The following KIF5C variants were observed in gnomAD, a reference collection of about 807,000 sequenced individuals.
KIF5C encodes the protein kinesin heavy chain isoform 5C.
Under a neutral mutation model 125.2 loss-of-function variants are expected in KIF5C, and 18 were observed. That is an observed-to-expected ratio of 0.14 (90% confidence interval 0.10 to 0.21). KIF5C has a LOEUF of 0.21. KIF5C is among the 10% of genes least tolerant of loss of function. The pLI is 1.00. For missense variants in KIF5C, 780 were observed against 1,183.8 expected (o/e 0.66, Z 5.01); for synonymous variants, 405 against 434.0 (o/e 0.93, Z 0.83).
At chr2:148,965,679 G>T (rs1683032526) in intron 11 of KIF5C, among the ~76,000 whole-genome samples, 1 of 152,114 alleles carries the variant, frequency 6.6e-6, no homozygotes, top group Admixed American at 6.5e-5. Flanking sequence ...ACATTCTGAG[G>T]CTGGGCATTT....
chr2:149,018,228 G>T (rs1262473669), intron 25 of KIF5C, among the ~76,000 whole-genome samples: 1 of 152,140 alleles, frequency 6.6e-6, no homozygotes, highest in Non-Finnish European at 1.5e-5. Flanking sequence ...GTTTGAGGCT[G>T]CAGTGAGCTG....
At chr2:148,887,836 C>G (rs1015522002) in intron 1 of KIF5C, among the ~76,000 whole-genome samples, 2 of 144,176 alleles carry the variant, frequency 1.4e-5, no homozygotes, top group East Asian at 4.9e-4. Flanking sequence ...GCTAGTAGTA[C>G]GCTTCGGTTA....
At chr2:148,885,109 C>T (rs1278099533) in intron 1 of KIF5C, among the ~76,000 whole-genome samples, 2 of 152,066 alleles carry the variant, frequency 1.3e-5, no homozygotes, top group African/African-American at 4.8e-5. Flanking sequence ...TCTCAGCCTC[C>T]CTAGTAGCTG....
At chr2:148,991,242 G>A (rs1553469740) in intron 16 of KIF5C, 44 bp downstream of exon 16, 2 of 1,591,908 alleles carry the variant, frequency 1.3e-6, no homozygotes, top group East Asian at 4.5e-5. Flanking sequence ...GTTGTCTTGA[G>A]ATCTGCTCCC....
intron 16 of KIF5C, among the ~76,000 whole-genome samples, chr2:148,991,461 G>A (rs540130823): frequency 1.7e-4 from 26 of 152,222 alleles, no homozygotes; most frequent in Non-Finnish European, 3.4e-4. Flanking sequence ...GCTAGCTAAT[G>A]AATGTAAAAG....
chr2:148,930,921 C>T (rs756737203), intron 3 of KIF5C, among the ~76,000 whole-genome samples: 24 of 152,130 alleles, frequency 1.6e-4, no homozygotes, highest in Non-Finnish European at 1.6e-4. Flanking sequence ...CCCGGCCCCT[C>T]GCCTTTCCCT....
At chr2:148,976,606 G>A (rs1681080213) in intron 12 of KIF5C, among the ~76,000 whole-genome samples, 1 of 150,196 alleles carries the variant, frequency 6.7e-6, no homozygotes, top group Non-Finnish European at 1.5e-5. Context: ...ATGGGGTCTT[G>A]TTCTGTTGCG....
At chr2:149,008,088 C>G (rs371056362) in intron 23 of KIF5C, 21 bp downstream of exon 23, 7 of 1,596,692 alleles carry the variant, frequency 4.4e-6, no homozygotes, top group Non-Finnish European at 8.6e-7. Flanking sequence ...TCTGCCCGCT[C>G]CCCTCTGATT....
At chr2:148,948,368 A>C (rs1374416986) in intron 8 of KIF5C, among the ~76,000 whole-genome samples, 1 of 151,942 alleles carries the variant, frequency 6.6e-6, no homozygotes, top group Non-Finnish European at 1.5e-5. Context: ...AAAAAAAAAA[A>C]AAAAATTTAC....
intron 13 of KIF5C, among the ~76,000 whole-genome samples, chr2:148,979,700 G>A (rs984716307): frequency 6.6e-6 from 1 of 152,122 alleles, no homozygotes; most frequent in African/African-American, 2.4e-5. Flanking sequence ...CTGTCCTGTA[G>A]GGATACACAA....
chr2:148,965,645 A>G (rs558120942), intron 11 of KIF5C, among the ~76,000 whole-genome samples: 21 of 152,268 alleles, frequency 1.4e-4, no homozygotes, highest in African/African-American at 4.3e-4. Flanking sequence ...TACAGGGACA[A>G]CAGACCAGGC....
At chr2:148,881,010 T>C (rs1254353263) in intron 1 of KIF5C, among the ~76,000 whole-genome samples, 1 of 151,764 alleles carries the variant, frequency 6.6e-6, no homozygotes, top group East Asian at 1.9e-4. Context: ...TTTTCTTGTA[T>C]TGAAAGTGCA....
At chr2:148,927,788 C>T (rs1682060061) in intron 2 of KIF5C, among the ~76,000 whole-genome samples, 1 of 151,990 alleles carries the variant, frequency 6.6e-6, no homozygotes, top group Non-Finnish European at 1.5e-5. Context: ...ACCTCCAAAC[C>T]TTACACTGAC....
rs1019765006 is a variant in KIF5C, at chr2:148,891,386, C to CT, written c.126+15654dup. On this transcript the variant is annotated intron_variant, in intron 1 of 25. Coordinates refer to ENST00000435030, the MANE Select transcript of KIF5C (RefSeq NM_004522.3). ...TTTTTAAGGCTAAGGATTGCTTCTT[C>CT]TTTTTTTTTTTATTATTATTTTTTT... 9.1e-3 allele frequency among the ~76,000 whole-genome samples: 1,336 copies of CT among 146,918 alleles called. 19 individuals are homozygous for CT. The highest frequency in any genetic ancestry group is 0.03 in the African/African-American group (1,221 of 40,270).
At chr2:149,002,953 G>C (rs1423336268) in intron 21 of KIF5C, among the ~76,000 whole-genome samples, 2 of 152,090 alleles carry the variant, frequency 1.3e-5, no homozygotes, top group African/African-American at 4.8e-5. Context: ...CTGCTCGTCC[G>C]TTCTCTCTCC....
chr2:149,010,160 G>A lies in KIF5C; in HGVS notation c.2576G>A (p.Arg859His). The part of the protein sequence containing the change: ...KQLVRDNADL[R>H]CELPKLEKRL... ...CTGGTCCGGGACAACGCAGACCTGC[G>A]CTGTGAACTGCCCAAGCTGGAGAAG... The change falls in exon 24 of 26, where the codon CGC (arginine) becomes CAC (histidine). Residue 859 changes from arginine to histidine, a missense_variant. Coordinates refer to ENST00000435030, the MANE Select transcript of KIF5C (RefSeq NM_004522.3). 6.4e-7 allele frequency: 1 copy of A among 1,552,140 alleles called. No homozygotes were observed. The highest frequency in any genetic ancestry group is 8.7e-7 in the Non-Finnish European group (1 of 1,147,378).
chr2:149,026,759 G>A lies in KIF5C; in HGVS notation c.*3689G>A, dbSNP rs1558956719. On this transcript the variant is annotated 3_prime_UTR_variant, in exon 26 of 26. Coordinates refer to ENST00000435030, the MANE Select transcript of KIF5C (RefSeq NM_004522.3). ...GGAAAATAAAATTGAATTAAACTTTGGCTGGTCTGTTTCTCCTTATTTGAG... is the reference window on the plus strand; with the variant it reads ...GGAAAATAAAATTGAATTAAACTTTAGCTGGTCTGTTTCTCCTTATTTGAG... 1 of 152,590 alleles carries A rather than the reference G, an allele frequency of 6.6e-6. No homozygotes were observed. The highest frequency in any genetic ancestry group is 2.4e-5 in the African/African-American group (1 of 41,440). 9.5% of individuals were successfully genotyped at this position (152,590 alleles called of 1,614,324 possible).
rs138754876 is a variant in KIF5C at position 149,009,842 on chromosome 2, C to G, written c.2551-293C>G. Among the ~76,000 whole-genome samples, 763 of 152,310 alleles carry G rather than the reference C, an allele frequency of 5.0e-3. 1 individual carries two copies. The highest frequency in any genetic ancestry group is 7.8e-3 in the Non-Finnish European group (534 of 68,038). On this transcript the variant is annotated intron_variant, in intron 23 of 25. Transcript: ENST00000435030. ...TCACACAATCCCCCTTTCCTCTACA[C>G]ACACCCAAACAGAAGAGGAGGTAAA...
Position 149,024,540 on chromosome 2 carries a change from GTGTGTGTGTGTGTGTGTGTGTA to G in KIF5C, c.*1478_*1499del, listed in dbSNP as rs1682631412. ...AGTGTGTGTGTGTGTGTGTGTGTGT[GTGTGTGTGTGTGTGTGTGTGTA>G]TGTGTGTAAAGTGCTAAGAACTGTG... is the stretch of plus-strand genomic sequence containing the variant. On this transcript the variant is annotated 3_prime_UTR_variant, in exon 26 of 26. Transcript: ENST00000435030. 1 of 151,824 alleles carries G rather than the reference GTGTGTGTGTGTGTGTGTGTGTA, an allele frequency of 6.6e-6. No individual in the cohort carries two copies. The highest frequency in any genetic ancestry group is 1.5e-5 in the Non-Finnish European group (1 of 67,936). The allele number at this position is 151,824 out of a possible 1,614,324, so 9.4% of individuals were successfully genotyped here.
Sources: allele counts gnomAD v4.1 joint callset (sites outside exome capture counted in the v4.1 genomes callset), GRCh38; gene constraint gnomAD v4.1.1; transcripts MANE v1.5; gene names NCBI Gene and HGNC (gene_info 2026-07-23, HGNC 2026-07-21).